The following ARHGAP26 variants were observed in gnomAD, a reference collection of about 807,000 sequenced individuals.
ARHGAP26 encodes the protein rho GTPase-activating protein 26.
ARHGAP26 carries 38 observed loss-of-function variants against 104.8 expected under a neutral mutation model. That is an observed-to-expected ratio of 0.36 (90% CI 0.28 to 0.48). The LOEUF is 0.48. Among genes scored for constraint, ARHGAP26 ranks in the 20% least tolerant of loss-of-function variants. The pLI, the probability that ARHGAP26 is intolerant of heterozygous loss-of-function variation, is 0.99. For missense variants in ARHGAP26, 704 were observed against 947.9 expected (o/e 0.74, Z 3.38); for synonymous variants, 341 against 340.0 (o/e 1.00, Z -0.03).
At chr5:143,016,884 T>TTGGTGGGG (rs1779663566) in intron 12 of ARHGAP26, among the ~76,000 whole-genome samples, 2 of 152,164 alleles carry the variant, frequency 1.3e-5, no homozygotes, top group Admixed American at 6.5e-5. Context: ...CTTCCCCTCC[T>TTGGTGGGG]TGGTGGGGTT....
intron 19 of ARHGAP26, among the ~76,000 whole-genome samples, chr5:143,141,886 C>T (rs1304314468): frequency 2.6e-5 from 4 of 152,216 alleles, no homozygotes; most frequent in East Asian, 1.9e-4. Flanking sequence ...TGTGCCTCCA[C>T]GTCTCTTTCC....
At chr5:142,991,303 C>A (rs1042166408) in intron 11 of ARHGAP26, among the ~76,000 whole-genome samples, 17 of 152,288 alleles carry the variant, frequency 1.1e-4, no homozygotes, top group African/African-American at 4.1e-4. Context: ...TTTGCTAAGA[C>A]CTTTGGAAAA....
At chr5:142,951,404 A>G (rs996561150) in intron 11 of ARHGAP26, among the ~76,000 whole-genome samples, 1 of 152,198 alleles carries the variant, frequency 6.6e-6, no homozygotes, top group African/African-American at 2.4e-5. Flanking sequence ...CCTTTAAGGA[A>G]GGCTGGAAAT....
rs367781243 is a variant in ARHGAP26 at position 143,215,940 on chromosome 5, G to A, written c.2191+1852G>A. 5.3e-5 allele frequency among the ~76,000 whole-genome samples: 8 copies of A among 152,256 alleles called. No homozygotes were observed. In the East Asian group the frequency reaches 5.8e-4, roughly 11 times the overall value. ...CATGTGTGTAGGTTTTTGTGAGGGC[G>A]TAGGTTTCCAGTTCTCTTGGGGATA... On this transcript the variant is annotated intron_variant, in intron 22 of 22. Transcript: ENST00000645722.
intron 13 of ARHGAP26, among the ~76,000 whole-genome samples, chr5:143,040,258 A>G (rs769271751): frequency 6.6e-6 from 1 of 152,242 alleles, no homozygotes; most frequent in Non-Finnish European, 1.5e-5. Context: ...TGAATCATGC[A>G]GAATGATGTA....
chr5:143,205,070 A>C (rs1327233248), intron 20 of ARHGAP26, among the ~76,000 whole-genome samples: 1 of 152,092 alleles, frequency 6.6e-6, no homozygotes, highest in Non-Finnish European at 1.5e-5. Context: ...GTGGAAGAAA[A>C]TGGAGACTGC....
At chr5:142,889,049 T>C (rs1434311984) in intron 5 of ARHGAP26, among the ~76,000 whole-genome samples, 1 of 152,176 alleles carries the variant, frequency 6.6e-6, no homozygotes, top group African/African-American at 2.4e-5. Flanking sequence ...CCCACACCAT[T>C]CTGGGGCATT....
chr5:143,145,741 C>G (rs1281933193), intron 19 of ARHGAP26, among the ~76,000 whole-genome samples: 6 of 152,112 alleles, frequency 3.9e-5, no homozygotes, highest in Non-Finnish European at 8.8e-5. Context: ...TTTTCCAAAT[C>G]TACTTTGAGT....
chr5:142,838,622 T>G (rs991668598), intron 1 of ARHGAP26, among the ~76,000 whole-genome samples: 2 of 152,214 alleles, frequency 1.3e-5, no homozygotes, highest in Non-Finnish European at 2.9e-5. Context: ...TAAAAATAAT[T>G]AAATGAATTC....
chr5:142,817,483 G>A (rs1251274841), intron 1 of ARHGAP26, among the ~76,000 whole-genome samples: 2 of 152,170 alleles, frequency 1.3e-5, no homozygotes, highest in East Asian at 1.9e-4. Context: ...TTGCAGTCCC[G>A]GGTTCATAAG....
chr5:143,024,798 C>T (rs1780813122), intron 12 of ARHGAP26, among the ~76,000 whole-genome samples: 1 of 152,180 alleles, frequency 6.6e-6, no homozygotes, highest in Non-Finnish European at 1.5e-5. Flanking sequence ...TCAGAGCCTG[C>T]AGCTCACAAT....
chr5:143,034,646 A>C (rs1782353459), intron 12 of ARHGAP26, among the ~76,000 whole-genome samples: 1 of 152,076 alleles, frequency 6.6e-6, no homozygotes, highest in Non-Finnish European at 1.5e-5. Context: ...AATGTTCTGG[A>C]GTTAGATAAT....
intron 17 of ARHGAP26, among the ~76,000 whole-genome samples, chr5:143,058,527 G>A (rs1282485740): frequency 6.6e-6 from 1 of 152,234 alleles, no homozygotes; most frequent in African/African-American, 2.4e-5. Flanking sequence ...CGTTGACTTT[G>A]ATGGTATGTT....
chr5:143,163,455 T>G (rs1377624412), intron 20 of ARHGAP26, among the ~76,000 whole-genome samples: 1 of 151,900 alleles, frequency 6.6e-6, no homozygotes, highest in Non-Finnish European at 1.5e-5. Flanking sequence ...GTTTGTTTGT[T>G]TGTTTGTTTT....
intron 7 of ARHGAP26, among the ~76,000 whole-genome samples, chr5:142,902,800 C>G (rs138117585): frequency 0.03 from 4,565 of 152,274 alleles, 85 homozygotes; most frequent in Middle Eastern, 0.058. Context: ...GCATGGCTTC[C>G]CCTTAGGCCA....
intron 11 of ARHGAP26, among the ~76,000 whole-genome samples, chr5:142,978,098 G>T (rs1773390188): frequency 6.6e-6 from 1 of 152,178 alleles, no homozygotes; most frequent in Admixed American, 6.5e-5. Context: ...TTCCCACAAT[G>T]AGCACATTCA....
intron 7 of ARHGAP26, among the ~76,000 whole-genome samples, chr5:142,902,334 G>A (rs937276203): frequency 1.5e-4 from 23 of 152,150 alleles, no homozygotes; most frequent in African/African-American, 5.3e-4. Context: ...TTCCTTTGGC[G>A]GTGGAAATCC....
intron 1 of ARHGAP26, among the ~76,000 whole-genome samples, chr5:142,855,355 C>T (rs1752180269): frequency 6.6e-6 from 1 of 152,096 alleles, no homozygotes; most frequent in Non-Finnish European, 1.5e-5. Flanking sequence ...TAGGAGGCTG[C>T]TGGTTGGTCT....
intron 11 of ARHGAP26, among the ~76,000 whole-genome samples, chr5:142,960,019 A>G (rs1362538500): frequency 1.3e-5 from 2 of 152,268 alleles, no homozygotes; most frequent in Admixed American, 1.3e-4. Flanking sequence ...CTAGGCAGCA[A>G]TGACTATCAC....
Sources: gnomAD v4.1 joint callset for allele counts (sites outside exome capture counted in the v4.1 genomes callset) on GRCh38, gnomAD v4.1.1 for gene constraint, MANE v1.5 for transcripts, NCBI Gene and HGNC (gene_info 2026-07-23, HGNC 2026-07-21) for gene names.